Variants in ADCY2 observed in about 807,000 individuals in gnomAD.
ADCY2 encodes adenylate cyclase type 2.
Under a neutral mutation model 125.2 loss-of-function variants are expected in ADCY2, and 31 were observed. The ratio of observed to expected loss-of-function variants is 0.25; its 90% confidence interval spans 0.19 to 0.33. The LOEUF is 0.33. Among genes scored for constraint, ADCY2 ranks in the 10% least tolerant of loss-of-function variants. The pLI is 1.00. For synonymous variants in ADCY2, 512 were observed against 548.4 expected (o/e 0.93, Z 0.93); for missense variants, 904 against 1,418.2 (o/e 0.64, Z 5.82).
At chr5:7,755,296 A>T (rs1315210142) in intron 15 of ADCY2, among the ~76,000 whole-genome samples, 15 of 152,188 alleles carry the variant, frequency 9.9e-5, no homozygotes, top group Non-Finnish European at 1.5e-5. Context: ...AGGGCGCAGG[A>T]AAATCAGCCC....
intron 14 of ADCY2, among the ~76,000 whole-genome samples, chr5:7,728,220 G>A (rs1358174407): frequency 4.6e-5 from 7 of 152,100 alleles, no homozygotes; most frequent in Non-Finnish European, 8.8e-5. Flanking sequence ...TCTCATGAAC[G>A]TGCTGAGCAA....
At chr5:7,438,169 T>A (rs934037717) in intron 2 of ADCY2, among the ~76,000 whole-genome samples, 3 of 152,190 alleles carry the variant, frequency 2.0e-5, no homozygotes, top group African/African-American at 7.2e-5. Context: ...AGATTCCAGA[T>A]GGAAAGGTGG....
At chr5:7,614,360 A>G (rs1737678200) in intron 3 of ADCY2, among the ~76,000 whole-genome samples, 2 of 151,984 alleles carry the variant, frequency 1.3e-5, no homozygotes, top group African/African-American at 2.4e-5. Context: ...TTTCCCCAAA[A>G]CCAGCTTCTT....
chr5:7,509,363 T>G lies in ADCY2; in HGVS notation c.409-11375T>G, dbSNP rs1037146642. Among the ~76,000 whole-genome samples the G allele has an allele frequency of 1.3e-5, 2 of 152,206 alleles. 1 individual carries two copies. The highest frequency in any genetic ancestry group is 4.1e-4 in the South Asian group (2 of 4,822). On this transcript the variant is annotated intron_variant, in intron 2 of 24. Transcript: ENST00000338316. ...GGGTCAGAATCCACAGCCACCGTCC[T>G]TTCGCACAGCGTAGAGGCTGAGGGT... is the stretch of plus-strand genomic sequence containing the variant.
intron 3 of ADCY2, among the ~76,000 whole-genome samples, chr5:7,589,524 G>GAAAAGAA (rs1554022167): frequency 4.4e-4 from 30 of 67,850 alleles, no homozygotes; most frequent in Non-Finnish European, 6.1e-4. Context: ...AGAAAAGAAA[G>GAAAAGAA]AGAAAGAAAG....
At chr5:7,509,686 T>C (rs538064948) in intron 2 of ADCY2, among the ~76,000 whole-genome samples, 2 of 152,310 alleles carry the variant, frequency 1.3e-5, no homozygotes, top group Non-Finnish European at 2.9e-5. Flanking sequence ...AAGAACATAA[T>C]ATGTATTCTT....
intron 7 of ADCY2, 135 bp from the exon 8 acceptor site, chr5:7,706,606 TCTC>T: frequency 2.2e-6 from 2 of 918,586 alleles, no homozygotes; most frequent in Non-Finnish European, 3.4e-6. Context: ...AGAGGAGTGA[TCTC>T]CTGCCATAGG....
chr5:7,603,784 CTTTTTTTT>C, intron 3 of ADCY2, among the ~76,000 whole-genome samples: 389 of 62,820 alleles, frequency 6.2e-3, no homozygotes, highest in African/African-American at 0.025. Context: ...TGCTCTCTTT[CTTTTTTTT>C]TTTTTTTTTT....
intron 15 of ADCY2, among the ~76,000 whole-genome samples, chr5:7,748,083 T>A (rs1742685356): frequency 6.6e-6 from 1 of 152,154 alleles, no homozygotes; most frequent in African/African-American, 2.4e-5. Flanking sequence ...ACTTGTTGGA[T>A]CTCCTTAGAC....
intron 2 of ADCY2, among the ~76,000 whole-genome samples, chr5:7,509,444 A>C (rs1388745730): frequency 6.6e-6 from 1 of 152,134 alleles, no homozygotes. Flanking sequence ...CCCTCAGGAC[A>C]CCCATTTTTT....
At chr5:7,505,719 A>G (rs1266784999) in intron 2 of ADCY2, among the ~76,000 whole-genome samples, 2 of 152,236 alleles carry the variant, frequency 1.3e-5, no homozygotes, top group Admixed American at 6.5e-5. Context: ...AGCCCATTCT[A>G]CAATACACTG....
At chr5:7,617,380 C>G (rs1012510386) in intron 3 of ADCY2, among the ~76,000 whole-genome samples, 1 of 152,194 alleles carries the variant, frequency 6.6e-6, no homozygotes. Flanking sequence ...TCAATCAAAC[C>G]TAACTACAAC....
rs887298976 is a variant in ADCY2 at position 7,479,633 on chromosome 5, A to T, written c.409-41105A>T. Among the ~76,000 whole-genome samples the T allele has an allele frequency of 6.4e-3, 941 of 147,572 alleles. 34 individuals are homozygous for T. The highest frequency in any genetic ancestry group is 0.053 in the Admixed American group (796 of 14,906). On this transcript the variant is annotated intron_variant, in intron 2 of 24. Transcript: ENST00000338316. ...AGTTATTTTAAAATGTACAATTAAA[A>T]TTTTTTTTTTTTACTATAGTCACCC...
intron 4 of ADCY2, among the ~76,000 whole-genome samples, chr5:7,688,770 T>G (rs1390382909): frequency 6.6e-6 from 1 of 152,190 alleles, no homozygotes; most frequent in African/African-American, 2.4e-5. Flanking sequence ...GCTCAGGACC[T>G]GCAGAAATGG....
intron 4 of ADCY2, among the ~76,000 whole-genome samples, chr5:7,643,185 G>C (rs1161773191): frequency 6.6e-6 from 1 of 151,664 alleles, no homozygotes; most frequent in Non-Finnish European, 1.5e-5. Context: ...CATGCTTTTA[G>C]TGTTTTCTCT....
intron 3 of ADCY2, among the ~76,000 whole-genome samples, chr5:7,619,607 A>G (rs183226399): frequency 6.6e-5 from 10 of 152,328 alleles, no homozygotes; most frequent in African/African-American, 2.4e-4. Context: ...ACTTCCTCAT[A>G]CAGCTCACTT....
chr5:7,555,233 G>C (rs1411412320), intron 3 of ADCY2, among the ~76,000 whole-genome samples: 1 of 152,180 alleles, frequency 6.6e-6, no homozygotes, highest in African/African-American at 2.4e-5. Flanking sequence ...GGAGTTAGAT[G>C]CATCTTGCAC....
Position 7,612,971 on chromosome 5 carries a change from G to C in ADCY2, c.571-13196G>C, listed in dbSNP as rs536866532. ...GCGGAGCTTGCAGTGAGCTGAGATTGCACCACTGCACTCCAGTCCTCCAGC... is the reference window on the plus strand; with the variant it reads ...GCGGAGCTTGCAGTGAGCTGAGATTCCACCACTGCACTCCAGTCCTCCAGC... On this transcript the variant is annotated intron_variant, in intron 3 of 24. Transcript: ENST00000338316. 4.6e-5 allele frequency among the ~76,000 whole-genome samples: 7 copies of C among 152,214 alleles called. No homozygotes were observed. In the South Asian group the frequency reaches 1.5e-3, roughly 32 times the overall value.
intron 1 of ADCY2, among the ~76,000 whole-genome samples, chr5:7,411,274 G>A (rs1739706047): frequency 6.6e-6 from 1 of 152,134 alleles, no homozygotes; most frequent in Admixed American, 6.5e-5. Context: ...CAAGCCGTTG[G>A]CCGTCAGAGC....
Sources: gnomAD v4.1 joint callset for allele counts (sites outside exome capture counted in the v4.1 genomes callset) on GRCh38, gnomAD v4.1.1 for gene constraint, MANE v1.5 for transcripts, NCBI Gene and HGNC (gene_info 2026-07-23, HGNC 2026-07-21) for gene names.